Variants in RALGAPA2 observed in about 807,000 individuals in gnomAD.
RALGAPA2 encodes ral GTPase-activating protein subunit alpha-2.
A neutral mutation model predicts 230.4 loss-of-function variants in RALGAPA2; 139 were observed. The ratio of observed to expected loss-of-function variants is 0.60; its 90% CI spans 0.53 to 0.69. RALGAPA2 has a LOEUF of 0.69. RALGAPA2 is among the 30% of genes least tolerant of loss of function. RALGAPA2 has a pLI of 0.00. For missense variants in RALGAPA2, 2,163 were observed against 2,276.0 expected (o/e 0.95, Z 1.01); for synonymous variants, 847 against 837.8 (o/e 1.01, Z -0.19).
chr20:20,503,610 A>G (rs1208254906), intron 34 of RALGAPA2, 104 bp from the exon 35 acceptor site: 2 of 959,122 alleles, frequency 2.1e-6, no homozygotes, highest in East Asian at 3.3e-5. Context: ...TTTCGTTTTT[A>G]TATCTTTCTT....
chr20:20,572,248 A>G (rs1292555358), intron 21 of RALGAPA2, among the ~76,000 whole-genome samples: 1 of 152,152 alleles, frequency 6.6e-6, no homozygotes, highest in African/African-American at 2.4e-5. Context: ...CTGAACAAAC[A>G]TGAACCATGT....
intron 31 of RALGAPA2, among the ~76,000 whole-genome samples, chr20:20,514,392 A>G (rs1161478206): frequency 6.6e-6 from 1 of 152,188 alleles, no homozygotes; most frequent in Non-Finnish European, 1.5e-5. Context: ...GCAGGTCTCC[A>G]GGCACTGAGA....
chr20:20,544,523 T>C (rs1264718965), intron 24 of RALGAPA2, among the ~76,000 whole-genome samples: 1 of 152,110 alleles, frequency 6.6e-6, no homozygotes, highest in Non-Finnish European at 1.5e-5. Flanking sequence ...TTACTGGGAA[T>C]ATACCCAAAG....
intron 1 of RALGAPA2, among the ~76,000 whole-genome samples, chr20:20,689,876 T>A (rs1168815807): frequency 6.6e-6 from 1 of 152,204 alleles, no homozygotes; most frequent in East Asian, 1.9e-4. Flanking sequence ...GCCTGTCATC[T>A]GAGTTCCATC....
chr20:20,607,122 T>C (rs1322748951), intron 14 of RALGAPA2, among the ~76,000 whole-genome samples: 1 of 152,236 alleles, frequency 6.6e-6, no homozygotes, highest in Non-Finnish European at 1.5e-5. Context: ...AATTCTTCTT[T>C]GCGTAGGTGA....
intron 1 of RALGAPA2, among the ~76,000 whole-genome samples, chr20:20,700,518 G>A (rs560787452): frequency 1.3e-5 from 2 of 152,296 alleles, no homozygotes; most frequent in South Asian, 2.1e-4. Flanking sequence ...GGGGGATGGG[G>A]TGGGGAATGT....
chr20:20,573,097 T>C, intron 20 of RALGAPA2, 29 bp from the exon 21 acceptor site: 2 of 1,525,574 alleles, frequency 1.3e-6, no homozygotes, highest in Non-Finnish European at 8.9e-7. Flanking sequence ...CTGTTAACCC[T>C]GTAAACAATC....
At chr20:20,522,096 A>C (rs561408875) in intron 30 of RALGAPA2, among the ~76,000 whole-genome samples, 26 of 152,348 alleles carry the variant, frequency 1.7e-4, no homozygotes, top group Admixed American at 7.8e-4. Flanking sequence ...AAATGCAATA[A>C]ATGTAGGAAA....
At position 20,393,055 on chromosome 20, in the gene RALGAPA2, T is replaced by C. The variant is rs747644522; in HGVS notation, c.*234A>G. ...ATGATACAGCCTAGTTTGAGTCCCA[T>C]CTGAGACACGGTAGTGGGATTCACC... On this transcript the variant is annotated 3_prime_UTR_variant, in exon 40 of 40. Transcript: ENST00000202677. 3.2e-5 allele frequency: 42 copies of C among 1,305,308 alleles called. No individual in the cohort carries two copies. Among genetic ancestry groups the C allele is most frequent in the Non-Finnish European group, 4.3e-5 (42 of 979,978 alleles). The allele number at this position is 1,305,308 out of a possible 1,614,324, so 80.9% of individuals were successfully genotyped here. A position where few individuals can be genotyped will look rare whatever the true frequency, so the allele number is the denominator to read the frequency against.
chr20:20,430,101 G>A (rs2060470971), intron 37 of RALGAPA2, among the ~76,000 whole-genome samples: 1 of 152,252 alleles, frequency 6.6e-6, no homozygotes, highest in South Asian at 2.1e-4. Flanking sequence ...CCTCATCTGT[G>A]AAAGAGGGGT....
rs575565844 is a variant in RALGAPA2 at position 20,487,745 on chromosome 20, C to CA, written c.5367+7371dup. ...GCCACACAGTGAAATCCCATTTCTC[C>CA]AAAAAAAAATACAAAACTTAGCCAG... On this transcript the variant is annotated intron_variant, in intron 36 of 39. Transcript: ENST00000202677. Among the ~76,000 whole-genome samples, 79 of 149,512 alleles carry CA rather than the reference C, an allele frequency of 5.3e-4. 1 individual carries two copies. The highest frequency in any genetic ancestry group is 1.8e-3 in the East Asian group (9 of 5,116).
chr20:20,712,382 C>T lies in RALGAPA2; in HGVS notation c.99G>A (p.Ala33=), dbSNP rs769069882. 6.5e-7 allele frequency: 1 copy of T among 1,548,266 alleles called. No individual in the cohort carries two copies. ...GCCCGGCGCGCGCCTCACCCAGCAGCGCCCGCAGGTGCTTCAGGCGGGTCA... is the reference window on the plus strand; with the variant it reads ...GCCCGGCGCGCGCCTCACCCAGCAGTGCCCGCAGGTGCTTCAGGCGGGTCA... ...DVLTRLKHLR[A]LLDNVDANDL... is the part of the protein sequence containing the mutation. Residue 33 remains alanine (A), a synonymous_variant, in exon 1 of 40, where the codon GCG becomes GCA. Transcript: ENST00000202677. This position sits in a 1 kb window ranked among gnomAD's most constrained non-coding sequence, Gnocchi z 5.5.
At chr20:20,439,414 T>C (rs1022706140) in intron 37 of RALGAPA2, among the ~76,000 whole-genome samples, 3 of 152,118 alleles carry the variant, frequency 2.0e-5, no homozygotes, top group African/African-American at 4.8e-5. Context: ...GGTTTCATCA[T>C]GTTGCCCAGG....
rs899505786 is a variant in RALGAPA2, at chr20:20,455,080, G to A, written c.5495+17749C>T. On this transcript the variant is annotated intron_variant, in intron 37 of 39. Transcript: ENST00000202677. ...TTTCAGAGGAATGGTGATCCATGACGGAGATTATAAAAAGTACACATTACA... is the reference window on the plus strand; with the variant it reads ...TTTCAGAGGAATGGTGATCCATGACAGAGATTATAAAAAGTACACATTACA... Among the ~76,000 whole-genome samples, 10 of 152,248 alleles carry A rather than the reference G, an allele frequency of 6.6e-5. 1 individual carries two copies. Among genetic ancestry groups the A allele is most frequent in the South Asian group, 4.2e-4 (2 of 4,816 alleles).
Position 20,701,767 on chromosome 20 carries a change from C to T in RALGAPA2, c.106+10608G>A, listed in dbSNP as rs192078496. 3.7e-3 allele frequency among the ~76,000 whole-genome samples: 560 copies of T among 149,686 alleles called. 1 individual carries two copies. Among genetic ancestry groups the T allele is most frequent in the Middle Eastern group, 0.016 (4 of 256 alleles). On this transcript the variant is annotated intron_variant, in intron 1 of 39. Coordinates refer to ENST00000202677, the MANE Select transcript of RALGAPA2 (RefSeq NM_020343.4). ...AATAAATAAGCATGGTGCGGCCAGG[C>T]GCAGTGGCTGACACCTGTAATCCCA... is the stretch of plus-strand genomic sequence containing the variant.
At chr20:20,649,721 A>T (rs2067331465) in intron 4 of RALGAPA2, among the ~76,000 whole-genome samples, 1 of 152,188 alleles carries the variant, frequency 6.6e-6, no homozygotes, top group Non-Finnish European at 1.5e-5. Context: ...TGAGACAGGA[A>T]ACTTGGTTTC....
At position 20,495,203 on chromosome 20, in the gene RALGAPA2, T is replaced by C. The variant is rs2062170018; in HGVS notation, c.5281A>G (p.Ile1761Val). The C allele has an allele frequency of 6.2e-7, 1 of 1,612,014 alleles. No homozygotes were observed. The highest frequency in any genetic ancestry group is 1.3e-5 in the African/African-American group (1 of 75,040). ...EHSRDYRRGI[I>V]PTAFGDVSII... ...GAAACATCTCCAAAGGCAGTTGGGA[T>C]AATACCCCTGCGGTAGTCTCTGGAG... The change falls in exon 36 of 40, where the codon ATC becomes GTC. Residue 1761 changes from isoleucine (I) to valine (V), a missense_variant. Coordinates refer to ENST00000202677, the MANE Select transcript of RALGAPA2 (RefSeq NM_020343.4).
intron 36 of RALGAPA2, among the ~76,000 whole-genome samples, chr20:20,493,911 T>A (rs2062132880): frequency 6.6e-6 from 1 of 152,150 alleles, no homozygotes; most frequent in Non-Finnish European, 1.5e-5. Flanking sequence ...GAAAAGAGGG[T>A]TCCCTTTATG....
intron 23 of RALGAPA2, among the ~76,000 whole-genome samples, chr20:20,564,389 G>C (rs1332203603): frequency 6.6e-6 from 1 of 152,040 alleles, no homozygotes; most frequent in Non-Finnish European, 1.5e-5. Context: ...TTAGCTAAAA[G>C]GATATTCAAC....
Sources: gnomAD v4.1 joint callset for allele counts (sites outside exome capture counted in the v4.1 genomes callset) on GRCh38, gnomAD v4.1.1 for gene constraint, Gnocchi (gnomAD v3.1) non-coding constraint, MANE v1.5 for transcripts, NCBI Gene and HGNC (gene_info 2026-07-23, HGNC 2026-07-21) for gene names.